Variants in COL23A1 observed in about 807,000 individuals in gnomAD.
COL23A1 encodes the protein collagen alpha-1(XXIII) chain.
A neutral mutation model predicts 99.3 loss-of-function variants in COL23A1; 97 were observed. The ratio of observed to expected loss-of-function variants is 0.98; its 90% CI spans 0.83 to 1.16. The LOEUF is 1.16. Among genes scored for constraint, COL23A1 ranks in the 50% most tolerant of loss-of-function variants. The probability of loss-of-function intolerance (pLI) is 0.00; values close to 1 mark genes in which losing one functional copy is unlikely to be tolerated. For synonymous variants in COL23A1, 320 were observed against 308.2 expected, an observed-to-expected ratio of 1.04 and a Z score of -0.40; for missense variants, 762 against 757.4, an observed-to-expected ratio of 1.01 and a Z score of -0.07.
chr5:178,402,485 T>A (rs2127766582), intron 2 of COL23A1, among the ~76,000 whole-genome samples: 1 of 152,314 alleles, frequency 6.6e-6, no homozygotes, highest in African/African-American at 2.4e-5. Flanking sequence ...TAAGATCTAG[T>A]ATTTAATAGA....
chr5:178,581,224 G>A (rs928461362), intron 1 of COL23A1, among the ~76,000 whole-genome samples: 1 of 152,142 alleles, frequency 6.6e-6, no homozygotes, highest in Non-Finnish European at 1.5e-5. Context: ...CACAGCTTCC[G>A]AATACCACAG....
At chr5:178,409,363 TG>T (rs1017363806) in intron 2 of COL23A1, among the ~76,000 whole-genome samples, 9 of 152,166 alleles carry the variant, frequency 5.9e-5, no homozygotes, top group African/African-American at 2.2e-4. Flanking sequence ...AAATGACAAA[TG>T]TAAAGCTTTC....
intron 1 of COL23A1, among the ~76,000 whole-genome samples, chr5:178,578,333 C>T (rs1763498809): frequency 6.6e-6 from 1 of 152,198 alleles, no homozygotes; most frequent in African/African-American, 2.4e-5. Context: ...CTAGCTCACG[C>T]TCACACACAC....
rs575733654 is a variant in COL23A1, at chr5:178,310,514, C to T, written c.362-3595G>A. On this transcript the variant is annotated intron_variant, in intron 2 of 28. Transcript: ENST00000390654. This position sits in a 1 kb window ranked among gnomAD's most constrained non-coding sequence, Gnocchi z 4.3. ...CCCTGCACAGATGAGAACTCTGGGG[C>T]TAAGCCAGGTGAAGGGGCCCACCTA... 2.0e-5 allele frequency among the ~76,000 whole-genome samples: 3 copies of T among 152,228 alleles called. No individual in the cohort carries two copies. Among genetic ancestry groups the T allele is most frequent in the African/African-American group, 7.2e-5 (3 of 41,462 alleles).
At chr5:178,372,693 C>T (rs189477129) in intron 2 of COL23A1, among the ~76,000 whole-genome samples, 218 of 152,132 alleles carry the variant, frequency 1.4e-3, no homozygotes, top group African/African-American at 5.1e-3. Context: ...CCGTCTCAGC[C>T]TCCCGTGTAG....
intron 2 of COL23A1, among the ~76,000 whole-genome samples, chr5:178,518,503 G>A (rs1394098893): frequency 6.8e-6 from 1 of 147,304 alleles, no homozygotes; most frequent in East Asian, 2.1e-4. Flanking sequence ...CCTCCCGGAC[G>A]GGGTGGCTGG....
At chr5:178,578,698 CAGG>C (rs755012975) in intron 1 of COL23A1, among the ~76,000 whole-genome samples, 2 of 132,890 alleles carry the variant, frequency 1.5e-5, no homozygotes, top group African/African-American at 2.7e-5. Context: ...GTGGCTACAT[CAGG>C]AGAATAGATT....
intron 2 of COL23A1, among the ~76,000 whole-genome samples, chr5:178,532,434 A>G (rs1438215429): frequency 6.6e-6 from 1 of 151,976 alleles, no homozygotes; most frequent in Non-Finnish European, 1.5e-5. Flanking sequence ...AGGTGCCCCA[A>G]GAAACAACAG....
At chr5:178,576,865 G>A (rs1465854311) in intron 1 of COL23A1, among the ~76,000 whole-genome samples, 1 of 151,846 alleles carries the variant, frequency 6.6e-6, no homozygotes, top group Non-Finnish European at 1.5e-5. Context: ...TGCGCGCACG[G>A]GAGGCCGCCT....
chr5:178,535,039 C>T (rs1248418949), intron 2 of COL23A1, among the ~76,000 whole-genome samples: 25 of 138,062 alleles, frequency 1.8e-4, no homozygotes, highest in African/African-American at 6.8e-4. Flanking sequence ...GGCGTGATTT[C>T]GGCTCACTGC....
intron 2 of COL23A1, among the ~76,000 whole-genome samples, chr5:178,492,258 G>A (rs1274696521): frequency 6.6e-6 from 1 of 152,100 alleles, no homozygotes; most frequent in Non-Finnish European, 1.5e-5. Flanking sequence ...ATATGCTGAA[G>A]TCTTAATCCC....
At chr5:178,369,847 A>G (rs991690468) in intron 2 of COL23A1, among the ~76,000 whole-genome samples, 3 of 152,244 alleles carry the variant, frequency 2.0e-5, no homozygotes, top group African/African-American at 7.2e-5. Context: ...ACAGACTAAC[A>G]CAGTTCAGCA....
In COL23A1 at chr5:178,544,275, G is replaced by C. The variant is rs914626208; in HGVS notation, c.361+16407C>G. On this transcript the variant is annotated intron_variant, in intron 2 of 28. Coordinates refer to ENST00000390654, the MANE Select transcript of COL23A1 (RefSeq NM_173465.4). The surrounding 1 kb of genome is among the most constrained non-coding windows in gnomAD (Gnocchi z 4.4). ...TAAAGGGACTAGTGCCCAGGGAACA[G>C]AGCTCGCCGCTTACAGAGCCCCCAG... is the stretch of plus-strand genomic sequence containing the variant. Among the ~76,000 whole-genome samples the C allele has an allele frequency of 6.6e-6, 1 of 152,014 alleles. No individual in the cohort carries two copies. The highest frequency in any genetic ancestry group is 2.4e-5 in the African/African-American group (1 of 41,398).
At chr5:178,442,086 C>T (rs555188590) in intron 2 of COL23A1, among the ~76,000 whole-genome samples, 7 of 152,136 alleles carry the variant, frequency 4.6e-5, no homozygotes, top group African/African-American at 1.7e-4. Context: ...CCACGCACGC[C>T]GAGTCCTGCA....
chr5:178,369,465 C>CA (rs1168538899), intron 2 of COL23A1, among the ~76,000 whole-genome samples: 2 of 152,312 alleles, frequency 1.3e-5, no homozygotes, highest in Middle Eastern at 6.8e-3. Context: ...AGAAAGCACT[C>CA]AGAGAAATTA....
intron 14 of COL23A1, 87 bp downstream of exon 14, chr5:178,256,779 G>T: frequency 7.5e-7 from 1 of 1,336,052 alleles, no homozygotes. Context: ...AAGGGCAAAT[G>T]AGAGCTGAAA....
intron 2 of COL23A1, among the ~76,000 whole-genome samples, chr5:178,513,966 C>G (rs568846910): frequency 2.3e-4 from 35 of 152,232 alleles, no homozygotes; most frequent in African/African-American, 8.2e-4. Flanking sequence ...AGCACATTCA[C>G]GTTGTTTTGC....
chr5:178,496,788 G>A (rs1031293105), intron 2 of COL23A1, among the ~76,000 whole-genome samples: 3 of 152,182 alleles, frequency 2.0e-5, no homozygotes, highest in Non-Finnish European at 4.4e-5. Flanking sequence ...GTATTACAAA[G>A]CTCTTGCCAT....
chr5:178,461,673 C>T (rs678011), intron 2 of COL23A1, among the ~76,000 whole-genome samples: 57,765 of 152,022 alleles, frequency 0.38, 11,330 homozygotes, highest in East Asian at 0.57. Flanking sequence ...TTGCCTCAGT[C>T]TCCTCACCTG....
Sources: allele counts gnomAD v4.1 joint callset (sites outside exome capture counted in the v4.1 genomes callset), GRCh38; gene constraint gnomAD v4.1.1; non-coding constraint Gnocchi (gnomAD v3.1); transcripts MANE v1.5; gene names NCBI Gene and HGNC (gene_info 2026-07-23, HGNC 2026-07-21).